The following PAG1 variants were observed in gnomAD, a reference collection of about 807,000 sequenced individuals.
PAG1 encodes the protein phosphoprotein associated with glycosphingolipid-enriched microdomains 1.
A neutral mutation model predicts 31.7 loss-of-function variants in PAG1; 23 were observed. That is an observed-to-expected ratio of 0.73 (90% CI 0.52 to 1.03). The LOEUF is 1.03. Ranked by LOEUF, PAG1 falls within the 50% of genes least tolerant of loss-of-function variation. PAG1 has a pLI of 0.00. For synonymous variants in PAG1, 214 were observed against 210.3 expected (o/e 1.02, Z -0.15); for missense variants, 473 against 540.7 (o/e 0.87, Z 1.24).
intron 3 of PAG1, among the ~76,000 whole-genome samples, chr8:81,010,116 C>T (rs1807955186): frequency 6.6e-6 from 1 of 152,212 alleles, no homozygotes; most frequent in Non-Finnish European, 1.5e-5. Context: ...TCTTATTTCT[C>T]TTGTAGTATT....
At chr8:80,993,475 T>G (rs2130514012) in intron 3 of PAG1, among the ~76,000 whole-genome samples, 168 bp from the exon 4 acceptor site, 1 of 152,298 alleles carries the variant, frequency 6.6e-6, no homozygotes, top group African/African-American at 2.4e-5. Flanking sequence ...GCAAGTCCCC[T>G]CCATGGTCTA....
At chr8:81,042,785 T>C (rs1364520847) in intron 2 of PAG1, among the ~76,000 whole-genome samples, 1 of 152,166 alleles carries the variant, frequency 6.6e-6, no homozygotes, top group African/African-American at 2.4e-5. Context: ...TACCTATCCC[T>C]GAGGTGTTAC....
intron 2 of PAG1, among the ~76,000 whole-genome samples, chr8:81,060,951 A>G (rs1808907663): frequency 6.6e-6 from 1 of 152,270 alleles, no homozygotes; most frequent in African/African-American, 2.4e-5. Context: ...CAGGCTCTAC[A>G]GCAGCCTCTC....
At chr8:81,077,284 G>A (rs914129836) in intron 1 of PAG1, among the ~76,000 whole-genome samples, 1 of 152,216 alleles carries the variant, frequency 6.6e-6, no homozygotes, top group African/African-American at 2.4e-5. Flanking sequence ...GAGAAAGTTT[G>A]GGACCCAGAC....
At chr8:81,064,450 T>G (rs1808970623) in intron 2 of PAG1, among the ~76,000 whole-genome samples, 1 of 152,146 alleles carries the variant, frequency 6.6e-6, no homozygotes, top group Non-Finnish European at 1.5e-5. Flanking sequence ...GACTTCCTAA[T>G]CAGCTTCCTA....
At chr8:81,051,060 T>C (rs1808720070) in intron 2 of PAG1, among the ~76,000 whole-genome samples, 1 of 152,252 alleles carries the variant, frequency 6.6e-6, no homozygotes, top group Admixed American at 6.5e-5. Context: ...TGCCTCTTAA[T>C]GAATGCAGAA....
intron 2 of PAG1, among the ~76,000 whole-genome samples, chr8:81,052,814 A>G (rs576643106): frequency 3.3e-4 from 51 of 152,338 alleles, no homozygotes; most frequent in African/African-American, 1.2e-3. Context: ...CTTAAATGCT[A>G]TAAACATCTC....
intron 1 of PAG1, among the ~76,000 whole-genome samples, chr8:81,104,252 C>T (rs1480582574): frequency 6.6e-6 from 1 of 152,176 alleles, no homozygotes; most frequent in Non-Finnish European, 1.5e-5. Flanking sequence ...ACTCAGTTCC[C>T]ATTCAATCAA....
intron 2 of PAG1, among the ~76,000 whole-genome samples, chr8:81,033,263 A>C (rs1808404331): frequency 6.6e-6 from 1 of 152,216 alleles, no homozygotes; most frequent in Non-Finnish European, 1.5e-5. Context: ...GAATCATGGG[A>C]GTTGTTACAC....
At chr8:81,093,417 T>C (rs75224563) in intron 1 of PAG1, among the ~76,000 whole-genome samples, 1,978 of 152,256 alleles carry the variant, frequency 0.013, 45 homozygotes, top group African/African-American at 0.044. Context: ...ACAGTCTATG[T>C]AATCAACACA....
chr8:81,087,071 G>A (rs1809370289), intron 1 of PAG1, among the ~76,000 whole-genome samples: 1 of 152,156 alleles, frequency 6.6e-6, no homozygotes, highest in Admixed American at 6.5e-5. Context: ...GCGGCCAGGC[G>A]TGGTGGCTCA....
intron 5 of PAG1, among the ~76,000 whole-genome samples, chr8:80,989,884 C>A (rs1807503231): frequency 1.3e-5 from 2 of 152,142 alleles, no homozygotes; most frequent in Admixed American, 1.3e-4. Context: ...GCAGAAGAAC[C>A]CCTGCTCTAG....
At chr8:81,060,721 C>T (rs1210216874) in intron 2 of PAG1, among the ~76,000 whole-genome samples, 1 of 152,204 alleles carries the variant, frequency 6.6e-6, no homozygotes, top group East Asian at 1.9e-4. Context: ...CTCACTAATA[C>T]TTTGAGGCCA....
At chr8:81,101,008 A>G (rs1809602423) in intron 1 of PAG1, among the ~76,000 whole-genome samples, 1 of 152,242 alleles carries the variant, frequency 6.6e-6, no homozygotes, top group Non-Finnish European at 1.5e-5. Context: ...TTGAATATTT[A>G]TTAAAAGGAA....
At chr8:81,041,603 T>A (rs1470431380) in intron 2 of PAG1, among the ~76,000 whole-genome samples, 1 of 152,226 alleles carries the variant, frequency 6.6e-6, no homozygotes, top group Non-Finnish European at 1.5e-5. Context: ...TGGAAACTTT[T>A]AAAAAGTAAA....
chr8:81,022,996 A>G (rs2130745689), intron 3 of PAG1, among the ~76,000 whole-genome samples: 1 of 152,300 alleles, frequency 6.6e-6, no homozygotes, highest in East Asian at 1.9e-4. Flanking sequence ...TAATTATTTT[A>G]ATATCTTTTC....
intron 2 of PAG1, among the ~76,000 whole-genome samples, chr8:81,056,802 A>C (rs1808830361): frequency 6.6e-6 from 1 of 152,178 alleles, no homozygotes; most frequent in Non-Finnish European, 1.5e-5. Flanking sequence ...AATGGGAAAA[A>C]AATTTGCAAC....
At chr8:81,063,113 C>A (rs1057167899) in intron 2 of PAG1, among the ~76,000 whole-genome samples, 50 of 152,304 alleles carry the variant, frequency 3.3e-4, no homozygotes, top group African/African-American at 1.2e-3. Context: ...ATTTAAATAT[C>A]TAAAATGAAA....
At chr8:80,994,951 T>G (rs1807639979) in intron 3 of PAG1, among the ~76,000 whole-genome samples, 1 of 152,244 alleles carries the variant, frequency 6.6e-6, no homozygotes, top group South Asian at 2.1e-4. Context: ...TTTCGTTTGC[T>G]TCAGTGATAA....
Sources: allele counts gnomAD v4.1 joint callset (sites outside exome capture counted in the v4.1 genomes callset), GRCh38; gene constraint gnomAD v4.1.1; transcripts MANE v1.5; gene names NCBI Gene and HGNC (gene_info 2026-07-23, HGNC 2026-07-21).